The following N4BP2 variants were observed in gnomAD, a reference collection of about 807,000 sequenced individuals.
N4BP2 encodes the protein NEDD4 binding protein 2, also known as NEDD4-binding protein 2.
Under a neutral mutation model 152.8 loss-of-function variants are expected in N4BP2, and 91 were observed. The observed-to-expected ratio is 0.60, with a 90% confidence interval of 0.50 to 0.71. The LOEUF (loss-of-function observed/expected upper bound fraction) is 0.71. N4BP2 is among the 30% of genes least tolerant of loss of function. The pLI, the probability that N4BP2 is intolerant of heterozygous loss-of-function variation, is 0.00. For synonymous variants in N4BP2, 646 were observed against 705.3 expected (o/e 0.92, Z 1.33); for missense variants, 1,923 against 2,059.1 (o/e 0.93, Z 1.28).
At chr4:40,113,914 T>A (rs1717126539) in intron 7 of N4BP2, among the ~76,000 whole-genome samples, 1 of 152,156 alleles carries the variant, frequency 6.6e-6, no homozygotes, top group Non-Finnish European at 1.5e-5. Flanking sequence ...CTTTGAATCA[T>A]ATGTTAATAT....
At chr4:40,149,033 C>T (rs1319390089) in intron 16 of N4BP2, among the ~76,000 whole-genome samples, 1 of 152,150 alleles carries the variant, frequency 6.6e-6, no homozygotes, top group African/African-American at 2.4e-5. Context: ...CTAGTGTAGC[C>T]ACTGTGAAAA....
intron 7 of N4BP2, among the ~76,000 whole-genome samples, chr4:40,117,652 G>T (rs1048608606): frequency 6.6e-6 from 1 of 151,836 alleles, no homozygotes; most frequent in South Asian, 2.1e-4. Flanking sequence ...TCAAATACTA[G>T]AATTTTTTTT....
rs182717075 is a variant in N4BP2 at position 40,075,639 on chromosome 4, G to A, written c.-115+2088G>A. ...TCTGGAACTCCTGACCTTATGATTC[G>A]CCTGCCTCGGCTTCCCAAAGTGCTG... On this transcript the variant is annotated intron_variant, in intron 2 of 17. Transcript: ENST00000261435. 5.3e-5 allele frequency among the ~76,000 whole-genome samples: 8 copies of A among 152,070 alleles called. 1 individual carries two copies. Among genetic ancestry groups the A allele is most frequent in the Admixed American group, 3.3e-4 (5 of 15,260 alleles).
intron 11 of N4BP2, among the ~76,000 whole-genome samples, chr4:40,124,613 C>T (rs1387588160): frequency 6.6e-6 from 1 of 152,052 alleles, no homozygotes; most frequent in Non-Finnish European, 1.5e-5. Flanking sequence ...TCCCAAAGTC[C>T]TGGGGTTACA....
chr4:40,099,543 C>T, intron 3 of N4BP2, among the ~76,000 whole-genome samples: 1 of 152,092 alleles, frequency 6.6e-6, no homozygotes, highest in East Asian at 1.9e-4. Context: ...AGCCACTGCA[C>T]CCGGCCCATG....
At chr4:40,177,545 G>A in the N4BP2 span, among the ~76,000 whole-genome samples, 1 of 152,118 alleles carries the variant, frequency 6.6e-6, no homozygotes, top group Admixed American at 6.5e-5. Context: ...AAACCCCGGA[G>A]GCAGAGATTG....
intron 16 of N4BP2, among the ~76,000 whole-genome samples, chr4:40,147,219 G>C (rs1318169526): frequency 6.6e-6 from 1 of 151,076 alleles, no homozygotes; most frequent in Non-Finnish European, 1.5e-5. Context: ...AGAGAGCACA[G>C]GGTTGGGGGT....
chr4:40,080,122 T>A (rs1713201295), intron 2 of N4BP2, among the ~76,000 whole-genome samples: 1 of 152,090 alleles, frequency 6.6e-6, no homozygotes, highest in Admixed American at 6.6e-5. Context: ...AGGTCAGGTA[T>A]GTATATGAAG....
At position 40,103,001 on chromosome 4, in the gene N4BP2, A is replaced by G; in HGVS notation, c.1156A>G (p.Thr386Ala). The G allele has an allele frequency of 6.2e-7, 1 of 1,614,110 alleles. No homozygotes were observed. Among genetic ancestry groups the G allele is most frequent in the Admixed American group, 1.7e-5 (1 of 60,010 alleles). The change falls in exon 4 of 18, where the codon ACA becomes GCA. Residue 386 changes from threonine to alanine, a missense_variant. By Grantham distance (58) the Thr-to-Ala change is moderately conservative. Transcript: ENST00000261435. ...NHGFVAPVVT[T>A]AAHWRSVNYT... ...TGGCTTTGTAGCTCCTGTTGTAACC[A>G]CAGCTGCACACTGGAGATCTGTCAA...
chr4:40,061,571 G>T (rs1160941583), intron 1 of N4BP2, among the ~76,000 whole-genome samples: 1 of 151,446 alleles, frequency 6.6e-6, no homozygotes, highest in African/African-American at 2.4e-5. Flanking sequence ...CACCATGTTG[G>T]CCAGGCTGGT....
chr4:40,087,635 A>G (rs1714106719), intron 2 of N4BP2, among the ~76,000 whole-genome samples: 1 of 151,926 alleles, frequency 6.6e-6, no homozygotes, highest in Admixed American at 6.6e-5. Context: ...AAGTTTTGGG[A>G]TTACAGGCAC....
rs143682335 is a variant in N4BP2 at position 40,120,702 on chromosome 4, A to G, written c.2591A>G (p.Asn864Ser). The G allele has an allele frequency of 8.7e-6, 14 of 1,614,038 alleles. No homozygotes were observed. The African/African-American group carries it at 1.6e-4, about 18-fold the overall frequency. ...TGTGATGATGCTTCAGAGCCACTCA[A>G]TAGCTATAAATATGATGCTTATAAA... ...SQCDDASEPL[N>S]SYKYDAYKNI... Residue 864 changes from asparagine to serine, a missense_variant, in exon 9 of 18, where the codon AAT becomes AGT. Physicochemically the swap from Asn to Ser is conservative, Grantham distance 46. Transcript: ENST00000261435.
rs1471527017 is a variant in N4BP2 at position 40,123,895 on chromosome 4, A to T, written c.4285-265A>T. Among the ~76,000 whole-genome samples the T allele has an allele frequency of 2.0e-5, 3 of 150,774 alleles. No homozygotes were observed. Among genetic ancestry groups the T allele is most frequent in the Middle Eastern group, 3.4e-3 (1 of 292 alleles). On this transcript the variant is annotated intron_variant, in intron 10 of 17. Transcript: ENST00000261435. ...AAGACAGTTCTTAATTTATTTAAAA[A>T]TTTTTTTCAGACCATTCTTCATAAC... is the stretch of plus-strand genomic sequence containing the variant.
the N4BP2 span, among the ~76,000 whole-genome samples, chr4:40,169,635 G>C: frequency 6.6e-6 from 1 of 150,848 alleles, no homozygotes; most frequent in Admixed American, 6.6e-5. Context: ...AGTACATAAA[G>C]ATTGGAAATT....
intron 15 of N4BP2, 98 bp downstream of exon 15, chr4:40,142,959 T>C: frequency 2.0e-6 from 2 of 976,150 alleles, no homozygotes. Flanking sequence ...ATTAAGTTAT[T>C]CTGGGGAATG....
intron 13 of N4BP2, among the ~76,000 whole-genome samples, chr4:40,135,986 T>A (rs1349107147): frequency 6.6e-6 from 1 of 152,246 alleles, no homozygotes; most frequent in Non-Finnish European, 1.5e-5. Context: ...TTTTGAATGA[T>A]TTTCTTTAGA....
At chr4:40,149,102 G>T (rs939978524) in intron 16 of N4BP2, among the ~76,000 whole-genome samples, 6 of 152,124 alleles carry the variant, frequency 3.9e-5, no homozygotes, top group Non-Finnish European at 8.8e-5. Context: ...CAGTAATTCT[G>T]CCCCTAACTA....
chr4:40,121,198 A>G lies in N4BP2; in HGVS notation c.3087A>G (p.Glu1029=), dbSNP rs139771127. 127 of 1,614,054 alleles carry G rather than the reference A, an allele frequency of 7.9e-5. No homozygotes were observed. The African/African-American group carries it at 9.9e-4, about 13-fold the overall frequency. Residue 1029 remains glutamate (E), a synonymous_variant, in exon 9 of 18, where the codon GAA becomes GAG. Transcript: ENST00000261435. ...ATTTTGCTCTTTTATGGAAAATAGA[A>G]AAGAATAAAATTAGCATTTCAGATT... is the stretch of plus-strand genomic sequence containing the variant. ...PQDFALLWKI[E]KNKISISDSI...
the N4BP2 span, among the ~76,000 whole-genome samples, chr4:40,166,155 T>C: frequency 6.6e-6 from 1 of 152,122 alleles, no homozygotes. Flanking sequence ...GATGCCAATA[T>C]TGGAATCTTT....
Sources: gnomAD v4.1 joint callset for allele counts (sites outside exome capture counted in the v4.1 genomes callset) on GRCh38, gnomAD v4.1.1 for gene constraint, MANE v1.5 for transcripts, NCBI Gene and HGNC (gene_info 2026-07-23, HGNC 2026-07-21) for gene names.